NAALADL2: variants seen among roughly 807,000 people sequenced by gnomAD.
The protein encoded by NAALADL2 is N-acetylated alpha-linked acidic dipeptidase like 2.
A neutral mutation model predicts 87.2 loss-of-function variants in NAALADL2; 76 were observed. The observed-to-expected ratio is 0.87, with a 90% CI of 0.72 to 1.05. The LOEUF (loss-of-function observed/expected upper bound fraction) is 1.05. Among genes scored for constraint, NAALADL2 ranks in the 50% least tolerant of loss-of-function variants. NAALADL2 has a pLI of 0.00. For synonymous variants in NAALADL2, 354 were observed against 331.0 expected (o/e 1.07, Z -0.75); for missense variants, 1,089 against 945.8 (o/e 1.15, Z -1.99).
chr3:174,442,043 A>C (rs1353525843), intron 1 of NAALADL2, among the ~76,000 whole-genome samples: 1 of 151,952 alleles, frequency 6.6e-6, no homozygotes, highest in African/African-American at 2.4e-5. Context: ...CTTGACAAAC[A>C]TTAAAAATTA....
intron 1 of NAALADL2, among the ~76,000 whole-genome samples, chr3:175,085,595 C>T (rs566607861): frequency 9.2e-5 from 14 of 152,092 alleles, no homozygotes; most frequent in South Asian, 4.2e-4. Context: ...GAGAAGACAA[C>T]GGATACATTT....
intron 2 of NAALADL2, among the ~76,000 whole-genome samples, chr3:175,210,937 C>T (rs766063246): frequency 1.3e-4 from 19 of 151,832 alleles, no homozygotes; most frequent in Non-Finnish European, 2.4e-4. Flanking sequence ...ATTTTTCATA[C>T]TTACTATATT....
intron 2 of NAALADL2, among the ~76,000 whole-genome samples, chr3:174,719,038 T>C (rs972878024): frequency 1.3e-5 from 2 of 152,194 alleles, no homozygotes; most frequent in African/African-American, 4.8e-5. Context: ...TCTGATGTTA[T>C]CACTCCATAG....
chr3:175,544,561 T>G (rs577948803), intron 9 of NAALADL2, among the ~76,000 whole-genome samples: 1 of 152,322 alleles, frequency 6.6e-6, no homozygotes, highest in East Asian at 1.9e-4. Context: ...TAATAATTAT[T>G]TGGTGCATTA....
chr3:175,767,050 C>T (rs1187208504), intron 13 of NAALADL2, among the ~76,000 whole-genome samples: 2 of 152,116 alleles, frequency 1.3e-5, no homozygotes, highest in Non-Finnish European at 1.5e-5. Context: ...CAAATGAAAG[C>T]TTACATGAGC....
intron 2 of NAALADL2, among the ~76,000 whole-genome samples, chr3:175,176,603 G>C (rs1735726864): frequency 6.6e-6 from 1 of 152,118 alleles, no homozygotes; most frequent in African/African-American, 2.4e-5. Context: ...GATCAGTGGG[G>C]TGGGCCTCTC....
At chr3:174,997,744 G>T (rs1023836875) in intron 1 of NAALADL2, among the ~76,000 whole-genome samples, 1 of 151,990 alleles carries the variant, frequency 6.6e-6, no homozygotes, top group Non-Finnish European at 1.5e-5. Context: ...TGAACCCGGG[G>T]AAGAGGAGGT....
chr3:174,687,955 C>G (rs1485311363), intron 2 of NAALADL2, among the ~76,000 whole-genome samples: 1 of 152,094 alleles, frequency 6.6e-6, no homozygotes, highest in Admixed American at 6.6e-5. Context: ...TGAGGCCTCC[C>G]CAGCTATGTG....
At chr3:174,728,537 T>G (rs1265799409) in intron 2 of NAALADL2, among the ~76,000 whole-genome samples, 1 of 152,072 alleles carries the variant, frequency 6.6e-6, no homozygotes, top group Non-Finnish European at 1.5e-5. Flanking sequence ...TAATAAGTAT[T>G]AGGGCAAGCA....
At chr3:175,363,021 G>A (rs62287964) in intron 5 of NAALADL2, among the ~76,000 whole-genome samples, 49,896 of 146,136 alleles carry the variant, frequency 0.34, 11,579 homozygotes, top group East Asian at 0.56. Context: ...TTTCTCTTCT[G>A]TTATCTTTTC....
chr3:175,751,205 T>A (rs537951250), intron 12 of NAALADL2, among the ~76,000 whole-genome samples: 1 of 152,172 alleles, frequency 6.6e-6, no homozygotes. Flanking sequence ...GTTTAATTCC[T>A]TTATCCTTTA....
At chr3:175,743,534 G>A (rs1475864623) in intron 12 of NAALADL2, among the ~76,000 whole-genome samples, 1 of 152,202 alleles carries the variant, frequency 6.6e-6, no homozygotes, top group Non-Finnish European at 1.5e-5. Flanking sequence ...CATAAAGGAT[G>A]TATGTAATGA....
rs745326088 is a variant in NAALADL2 at position 175,466,962 on chromosome 3, T to C, written c.1328-17T>C. 1 of 1,585,302 alleles carries C rather than the reference T, an allele frequency of 6.3e-7. No individual in the cohort carries two copies. The highest frequency in any genetic ancestry group is 8.7e-7 in the Non-Finnish European group (1 of 1,154,064). ...TTTACATTTTTTTAAATGGCTCTTG[T>C]CCCTTTCTATTTTCAGACCGGTATA... On this transcript the variant is annotated splice_polypyrimidine_tract_variant and intron_variant, in intron 7 of 13. Coordinates refer to ENST00000454872, the MANE Select transcript of NAALADL2 (RefSeq NM_207015.3).
At position 175,786,549 on chromosome 3, in the gene NAALADL2, A is replaced by G. The variant is rs1751989479; in HGVS notation, c.2190-16456A>G. Among the ~76,000 whole-genome samples, 3 of 152,228 alleles carry G rather than the reference A, an allele frequency of 2.0e-5. No homozygotes were observed. In the South Asian group the frequency reaches 6.2e-4, roughly 32 times the overall value. Reference sequence around the variant, plus strand: ...TTCTCGAGCCTTGGTTTTCAGCTCCATCAGCTCCTTTAAGCACTTCTCTGT... The same window carrying G: ...TTCTCGAGCCTTGGTTTTCAGCTCCGTCAGCTCCTTTAAGCACTTCTCTGT... On this transcript the variant is annotated intron_variant, in intron 13 of 13. Coordinates refer to ENST00000454872, the MANE Select transcript of NAALADL2 (RefSeq NM_207015.3).
chr3:175,623,224 A>G (rs982252978), intron 10 of NAALADL2, among the ~76,000 whole-genome samples: 8 of 148,538 alleles, frequency 5.4e-5, no homozygotes, highest in African/African-American at 2.0e-4. Context: ...ACACCATCCA[A>G]ATCTAGAAAA....
intron 12 of NAALADL2, among the ~76,000 whole-genome samples, chr3:175,754,458 A>G (rs913548739): frequency 6.6e-6 from 1 of 152,188 alleles, no homozygotes; most frequent in African/African-American, 2.4e-5. Flanking sequence ...ACAAAGACAA[A>G]CACAAACCTC....
chr3:175,573,669 C>A (rs1314173121), intron 9 of NAALADL2, among the ~76,000 whole-genome samples: 1 of 152,186 alleles, frequency 6.6e-6, no homozygotes, highest in Non-Finnish European at 1.5e-5. Flanking sequence ...TTAAGACTAG[C>A]TCTTCTTTGG....
chr3:175,504,616 T>G (rs1306344653), intron 9 of NAALADL2, among the ~76,000 whole-genome samples: 3 of 117,368 alleles, frequency 2.6e-5, no homozygotes, highest in Non-Finnish European at 3.5e-5. Context: ...TCTCTCTCTC[T>G]CTCTCAGACA....
At chr3:175,011,813 C>A (rs76240606) in intron 1 of NAALADL2, among the ~76,000 whole-genome samples, 1 of 152,112 alleles carries the variant, frequency 6.6e-6, no homozygotes, top group Non-Finnish European at 1.5e-5. Context: ...TTTCTCCCAG[C>A]AGACTATCTT....
Sources: allele counts gnomAD v4.1 joint callset (sites outside exome capture counted in the v4.1 genomes callset), GRCh38; gene constraint gnomAD v4.1.1; transcripts MANE v1.5; gene names NCBI Gene and HGNC (gene_info 2026-07-23, HGNC 2026-07-21).